Variants in PHF24 observed in about 807,000 individuals in gnomAD.
PHF24 encodes the protein PHD finger protein 24.
In PHF24, 25 loss-of-function variants were observed where a neutral mutation model predicts 42.6. That is an observed-to-expected ratio of 0.59 (90% CI 0.43 to 0.82). The LOEUF (loss-of-function observed/expected upper bound fraction) is 0.82. Ranked by LOEUF, PHF24 falls within the 40% of genes least tolerant of loss-of-function variation. PHF24 has a pLI of 0.00. For missense variants in PHF24, 470 were observed against 538.1 expected (o/e 0.87, Z 1.25); for synonymous variants, 185 against 204.8 (o/e 0.90, Z 0.83).
At chr9:34,926,545 T>G in the PHF24 span, among the ~76,000 whole-genome samples, 560 of 147,344 alleles carry the variant, frequency 3.8e-3, 3 homozygotes, top group African/African-American at 0.014. The surrounding 1 kb of genome is among the most constrained non-coding windows in gnomAD (Gnocchi z 4.3). Flanking sequence ...GCCCACAGGG[T>G]TGTTTTGTAG....
At chr9:34,830,142 T>C in the PHF24 span, among the ~76,000 whole-genome samples, 5 of 152,218 alleles carry the variant, frequency 3.3e-5, no homozygotes, top group Admixed American at 2.0e-4. Flanking sequence ...ATCTCTGAGC[T>C]AGAATTCTAA....
the PHF24 span, among the ~76,000 whole-genome samples, chr9:34,843,955 T>G: frequency 9.9e-5 from 15 of 152,170 alleles, no homozygotes; most frequent in African/African-American, 3.6e-4. Context: ...AGACTTTTTA[T>G]TACTGTTTCA....
chr9:34,972,512 G>C, exon 3 of PHF24: 1 of 1,611,560 alleles, frequency 6.2e-7, no homozygotes, highest in Non-Finnish European at 8.5e-7. Flanking sequence ...ACAGAAACAG[G>C]CTGGAGCTGC....
chr9:34,797,166 T>C, the PHF24 span, among the ~76,000 whole-genome samples: 1 of 152,102 alleles, frequency 6.6e-6, no homozygotes, highest in Admixed American at 6.5e-5. Flanking sequence ...CTTAAACCTC[T>C]AGGGAAGCAT....
intron 3 of PHF24, among the ~76,000 whole-genome samples, chr9:34,973,121 C>T (rs940911044): frequency 1.1e-4 from 17 of 152,198 alleles, no homozygotes; most frequent in African/African-American, 3.6e-4. Flanking sequence ...AAATCACCCC[C>T]GGTAGAGAAC....
the PHF24 span, among the ~76,000 whole-genome samples, chr9:34,858,595 G>T: frequency 3.9e-5 from 6 of 152,192 alleles, no homozygotes; most frequent in Admixed American, 1.3e-4. Context: ...GCCTGTGTCT[G>T]TTGGTGCCAG....
the PHF24 span, among the ~76,000 whole-genome samples, chr9:34,668,531 G>A: frequency 4.6e-5 from 7 of 152,204 alleles, no homozygotes; most frequent in East Asian, 3.8e-4. Flanking sequence ...TACAGTCTCA[G>A]GTGCATATCA....
At chr9:34,972,238 C>G (rs757367258) in intron 2 of PHF24, 108 bp from the exon 3 acceptor site, 1 of 988,678 alleles carries the variant, frequency 1.0e-6, no homozygotes, top group Non-Finnish European at 1.5e-6. Flanking sequence ...TTCCTCTAGG[C>G]TAATCTGGGA....
At chr9:34,690,182 G>A in the PHF24 span, 1 of 1,613,182 alleles carries the variant, frequency 6.2e-7, no homozygotes, top group South Asian at 1.1e-5. Context: ...AACGGGAGAT[G>A]AGGCTAGACA....
chr9:34,882,809 A>G, the PHF24 span, among the ~76,000 whole-genome samples: 522 of 152,328 alleles, frequency 3.4e-3, 3 homozygotes, highest in African/African-American at 0.012. Flanking sequence ...TATAGATTCA[A>G]TGCCATCCCC....
the PHF24 span, among the ~76,000 whole-genome samples, chr9:34,931,288 A>G: frequency 6.7e-6 from 1 of 149,676 alleles, no homozygotes; most frequent in Admixed American, 6.8e-5. Flanking sequence ...AGGCAGGAGA[A>G]TGGCATGAAC....
chr9:34,916,177 A>G, the PHF24 span, among the ~76,000 whole-genome samples: 2 of 152,180 alleles, frequency 1.3e-5, no homozygotes, highest in East Asian at 3.8e-4. Context: ...GAACTAATAC[A>G]ATCCTCTATC....
At chr9:34,806,007 TG>T in the PHF24 span, among the ~76,000 whole-genome samples, 3 of 152,208 alleles carry the variant, frequency 2.0e-5, no homozygotes, top group Non-Finnish European at 2.9e-5. Flanking sequence ...TTGGTAGCCT[TG>T]TTGAAACTTA....
upstream of PHF24, among the ~76,000 whole-genome samples, chr9:34,954,002 G>A (rs2132825124): frequency 6.6e-6 from 1 of 152,152 alleles, no homozygotes; most frequent in Non-Finnish European, 1.5e-5. Context: ...CCCACAGGCT[G>A]GCTGAAGCAT....
chr9:34,865,820 C>G, the PHF24 span, among the ~76,000 whole-genome samples: 2 of 152,216 alleles, frequency 1.3e-5, no homozygotes, highest in African/African-American at 4.8e-5. Flanking sequence ...TCCTCATGCT[C>G]TTTTGGACTG....
chr9:34,806,684 A>G, the PHF24 span, among the ~76,000 whole-genome samples: 1 of 152,062 alleles, frequency 6.6e-6, no homozygotes, highest in Non-Finnish European at 1.5e-5. Flanking sequence ...GTCTTGAACT[A>G]CTGACCTCAA....
At chr9:34,836,908 A>G in the PHF24 span, among the ~76,000 whole-genome samples, 71,752 of 152,014 alleles carry the variant, frequency 0.47, 17,756 homozygotes, top group East Asian at 0.67. Flanking sequence ...CTCCTGAGAT[A>G]ATTATGCCTT....
At chr9:34,854,707 A>G in the PHF24 span, among the ~76,000 whole-genome samples, 1 of 152,110 alleles carries the variant, frequency 6.6e-6, no homozygotes, top group Non-Finnish European at 1.5e-5. Flanking sequence ...TATGTTTTCA[A>G]TTTTAGAGTA....
the PHF24 span, among the ~76,000 whole-genome samples, chr9:34,842,576 A>G: frequency 6.6e-6 from 1 of 152,206 alleles, no homozygotes. Context: ...ATATGAAGAC[A>G]CAGCATTTGT....
Sources: allele counts gnomAD v4.1 joint callset (sites outside exome capture counted in the v4.1 genomes callset), GRCh38; gene constraint gnomAD v4.1.1; non-coding constraint Gnocchi (gnomAD v3.1); transcripts MANE v1.5; gene names NCBI Gene and HGNC (gene_info 2026-07-23, HGNC 2026-07-21).